COLEC12: variants seen among roughly 807,000 people sequenced by gnomAD.
COLEC12 encodes collectin subfamily member 12.
A neutral mutation model predicts 71.1 loss-of-function variants in COLEC12; 33 were observed. The ratio of observed to expected loss-of-function variants is 0.46; its 90% CI spans 0.35 to 0.62. The LOEUF is 0.62. COLEC12 is among the 20% of genes least tolerant of loss of function. The pLI, the probability that COLEC12 is intolerant of heterozygous loss-of-function variation, is 0.00. For missense variants in COLEC12, 765 were observed against 916.1 expected (o/e 0.84, Z 2.13); for synonymous variants, 350 against 353.0 (o/e 0.99, Z 0.10).
At chr18:412,552 T>C (rs976705108) in intron 2 of COLEC12, among the ~76,000 whole-genome samples, 6 of 151,318 alleles carry the variant, frequency 4.0e-5, no homozygotes, top group Non-Finnish European at 1.5e-5. Context: ...AACAAAAATA[T>C]AGGTAAATGC....
In COLEC12 at chr18:480,420, C is replaced by T. The variant is rs1479128953; in HGVS notation, c.58+287G>A. Among the ~76,000 whole-genome samples, 2 of 152,192 alleles carry T rather than the reference C, an allele frequency of 1.3e-5. No homozygotes were observed. The highest frequency in any genetic ancestry group is 4.8e-5 in the African/African-American group (2 of 41,438). On this transcript the variant is annotated intron_variant, in intron 2 of 9. Transcript: ENST00000400256. The surrounding 1 kb of genome is among the most constrained non-coding windows in gnomAD (Gnocchi z 4.1). ...TTGTCTTGTCACAGATTTGCCTTTC[C>T]CGCTACACTTTGTCTAGTAGGCTGT...
intron 1 of COLEC12, among the ~76,000 whole-genome samples, chr18:484,357 T>C (rs1329362671): frequency 6.6e-6 from 1 of 152,208 alleles, no homozygotes; most frequent in Non-Finnish European, 1.5e-5. Context: ...CCACCCATCA[T>C]AAAGCACAGG....
intron 2 of COLEC12, among the ~76,000 whole-genome samples, chr18:363,403 G>T (rs930554919): frequency 6.6e-6 from 1 of 152,190 alleles, no homozygotes; most frequent in African/African-American, 2.4e-5. Flanking sequence ...GATCACAAGT[G>T]TCTATAGCTC....
At chr18:367,435 A>G (rs917895052) in intron 2 of COLEC12, among the ~76,000 whole-genome samples, 7 of 152,202 alleles carry the variant, frequency 4.6e-5, no homozygotes, top group Non-Finnish European at 7.3e-5. Flanking sequence ...TGAAAACATC[A>G]ATCAACCTGA....
In COLEC12 at chr18:340,084, A is replaced by C. The variant is rs1002117299; in HGVS notation, c.1328-4854T>G. ...CTTAGTGCCTGAAAGCAAAAAAAAAAAAAAAAACAAAAAGAACAGAGTGTT... is the reference window on the plus strand; with the variant it reads ...CTTAGTGCCTGAAAGCAAAAAAAAACAAAAAAACAAAAAGAACAGAGTGTT... On this transcript the variant is annotated intron_variant, in intron 5 of 9. Coordinates refer to ENST00000400256, the MANE Select transcript of COLEC12 (RefSeq NM_130386.3). Among the ~76,000 whole-genome samples the C allele has an allele frequency of 4.6e-5, 7 of 151,234 alleles. 1 individual carries two copies. Among genetic ancestry groups the C allele is most frequent in the East Asian group, 1.9e-4 (1 of 5,190 alleles).
chr18:456,455 G>A (rs1017511402), intron 2 of COLEC12, among the ~76,000 whole-genome samples: 4 of 152,110 alleles, frequency 2.6e-5, no homozygotes, highest in African/African-American at 4.8e-5. Flanking sequence ...GGGAAAGGCC[G>A]CCCAGAAACA....
chr18:439,991 GCA>G (rs59854051), intron 2 of COLEC12, among the ~76,000 whole-genome samples: 136,253 of 150,424 alleles, frequency 0.91, 62,183 homozygotes, highest in East Asian at 1. Context: ...GTGTATGAAT[GCA>G]CACACACACA....
intron 2 of COLEC12, among the ~76,000 whole-genome samples, chr18:370,309 C>CA (rs1162134863): frequency 6.6e-6 from 1 of 152,130 alleles, no homozygotes; most frequent in African/African-American, 2.4e-5. Flanking sequence ...ATGGTATAAT[C>CA]ACTTCATTGT....
chr18:338,335 C>T (rs184633853), intron 5 of COLEC12, among the ~76,000 whole-genome samples: 14 of 152,270 alleles, frequency 9.2e-5, no homozygotes, highest in East Asian at 7.7e-4. Flanking sequence ...CAAATACATG[C>T]GCATCATGGT....
rs1029944414 is a variant in COLEC12 at position 316,815 on chromosome 18, A to G, written c.*3230T>C. 6.6e-5 allele frequency: 10 copies of G among 152,134 alleles called. No individual in the cohort carries two copies. The highest frequency in any genetic ancestry group is 1.0e-4 in the Non-Finnish European group (7 of 68,028). 9.4% of individuals were successfully genotyped at this position (152,134 alleles called of 1,614,324 possible). A position where few individuals can be genotyped will look rare whatever the true frequency, so the allele number is the denominator to read the frequency against. ...TTTCAAAAGCTGTTTAGAGGAAAAAACATTTTCTATCTTCTCATAGTAGTA... is the reference window on the plus strand; with the variant it reads ...TTTCAAAAGCTGTTTAGAGGAAAAAGCATTTTCTATCTTCTCATAGTAGTA... On this transcript the variant is annotated 3_prime_UTR_variant, in exon 10 of 10. Coordinates refer to ENST00000400256, the MANE Select transcript of COLEC12 (RefSeq NM_130386.3).
chr18:323,229 A>T (rs554315525), intron 8 of COLEC12, among the ~76,000 whole-genome samples: 171 of 152,262 alleles, frequency 1.1e-3, no homozygotes, highest in African/African-American at 3.9e-3. Context: ...CCATCTCAAA[A>T]ATACATATAT....
chr18:491,466 C>T (rs1477881637), intron 1 of COLEC12, among the ~76,000 whole-genome samples: 1 of 152,200 alleles, frequency 6.6e-6, no homozygotes, highest in East Asian at 1.9e-4. Context: ...TCCTATCTCA[C>T]ACATTTTGGG....
rs114561780 is a variant in COLEC12 at position 403,515 on chromosome 18, C to T, written c.59-45993G>A. ...CACTAACACTACACATTGTTATTCA[C>T]GACAGAAGAGCGTGTGAGACAACGT... On this transcript the variant is annotated intron_variant, in intron 2 of 9. Coordinates refer to ENST00000400256, the MANE Select transcript of COLEC12 (RefSeq NM_130386.3). 5.0e-3 allele frequency among the ~76,000 whole-genome samples: 764 copies of T among 152,296 alleles called. 8 individuals carry two copies. Among genetic ancestry groups the T allele is most frequent in the African/African-American group, 0.012 (508 of 41,560 alleles).
At chr18:467,538 T>C (rs1312370568) in intron 2 of COLEC12, among the ~76,000 whole-genome samples, 1 of 152,234 alleles carries the variant, frequency 6.6e-6, no homozygotes, top group Non-Finnish European at 1.5e-5. Context: ...CAAGAAAAAT[T>C]TCATATGATA....
chr18:430,080 G>A (rs1016179465), intron 2 of COLEC12, among the ~76,000 whole-genome samples: 2 of 152,150 alleles, frequency 1.3e-5, no homozygotes, highest in Non-Finnish European at 2.9e-5. Context: ...GGGCGTGGTG[G>A]CTCACGTCTG....
intron 2 of COLEC12, among the ~76,000 whole-genome samples, chr18:368,495 T>A (rs1458773400): frequency 1.3e-5 from 2 of 151,248 alleles, no homozygotes; most frequent in Admixed American, 1.3e-4. Flanking sequence ...AATCGCTCGA[T>A]CCTGGGAGGC....
At chr18:383,266 A>G (rs1379889926) in intron 2 of COLEC12, among the ~76,000 whole-genome samples, 1 of 152,236 alleles carries the variant, frequency 6.6e-6, no homozygotes, top group East Asian at 1.9e-4. Context: ...TTGCCAGAAC[A>G]TAAGACGAGA....
intron 2 of COLEC12, among the ~76,000 whole-genome samples, chr18:463,523 C>T (rs903680885): frequency 6.6e-6 from 1 of 152,124 alleles, no homozygotes; most frequent in African/African-American, 2.4e-5. Context: ...CAGCATGTGT[C>T]GTAAACATGA....
At chr18:441,840 A>AT (rs139723413) in intron 2 of COLEC12, among the ~76,000 whole-genome samples, 7,789 of 151,900 alleles carry the variant, frequency 0.051, 672 homozygotes, top group African/African-American at 0.18. Flanking sequence ...CTACAAAAAA[A>AT]ATACAAAAAA....
Sources: gnomAD v4.1 joint callset for allele counts (sites outside exome capture counted in the v4.1 genomes callset) on GRCh38, gnomAD v4.1.1 for gene constraint, Gnocchi (gnomAD v3.1) non-coding constraint, MANE v1.5 for transcripts, NCBI Gene and HGNC (gene_info 2026-07-23, HGNC 2026-07-21) for gene names.